Variants in NUP153 observed in about 807,000 individuals in gnomAD.
NUP153 encodes nucleoporin 153, also known as nuclear pore complex protein Nup153.
In NUP153, 27 loss-of-function variants were observed where a neutral mutation model predicts 134.6. That is an observed-to-expected ratio of 0.20 (90% confidence interval 0.15 to 0.28). The LOEUF is 0.28. NUP153 is among the 10% of genes least tolerant of loss of function. NUP153 has a pLI of 1.00. For synonymous variants in NUP153, 640 were observed against 623.5 expected, an observed-to-expected ratio of 1.03 and a Z score of -0.40; for missense variants, 1,821 against 1,731.3, an observed-to-expected ratio of 1.05 and a Z score of -0.92.
At chr6:17,656,985 T>G (rs1029281933) in intron 11 of NUP153, among the ~76,000 whole-genome samples, 10 of 152,206 alleles carry the variant, frequency 6.6e-5, no homozygotes, top group Non-Finnish European at 1.3e-4. Context: ...TGGAGAGGGC[T>G]TTAGCAAGCT....
intron 1 of NUP153, among the ~76,000 whole-genome samples, chr6:17,693,191 C>CAA (rs1280833295): frequency 7.0e-6 from 1 of 142,676 alleles, no homozygotes; most frequent in Non-Finnish European, 1.5e-5. Flanking sequence ...CCTACACACA[C>CAA]ACACACACAC....
chr6:17,706,617 C>G lies in NUP153; in HGVS notation c.-230G>C, dbSNP rs1430406017. ...GTGGCGGCCGCAGAGGCCGAGGAGGCTCCGGTCCGGCCGCCTCTGCGGACC... is the reference window on the plus strand; with the variant it reads ...GTGGCGGCCGCAGAGGCCGAGGAGGGTCCGGTCCGGCCGCCTCTGCGGACC... On this transcript the variant is annotated 5_prime_UTR_variant, in exon 1 of 22. Transcript: ENST00000262077. This position sits in a 1 kb window ranked among gnomAD's most constrained non-coding sequence, Gnocchi z 5.9. The G allele has an allele frequency of 8.8e-6, 5 of 569,030 alleles. No homozygotes were observed. Among genetic ancestry groups the G allele is most frequent in the Admixed American group, 3.2e-5 (1 of 31,006 alleles). 35.2% of individuals were successfully genotyped at this position (569,030 alleles called of 1,614,324 possible). A position where few individuals can be genotyped will look rare whatever the true frequency, so the allele number is the denominator to read the frequency against.
At chr6:17,696,422 G>A (rs899334521) in intron 1 of NUP153, among the ~76,000 whole-genome samples, 9 of 152,106 alleles carry the variant, frequency 5.9e-5, no homozygotes, top group African/African-American at 2.2e-4. Context: ...CAGGCATGAG[G>A]GAAATAAGCT....
At chr6:17,632,545 G>T in intron 17 of NUP153, 105 bp downstream of exon 17, 1 of 743,788 alleles carries the variant, frequency 1.3e-6, no homozygotes. Flanking sequence ...TAATTTTCAA[G>T]AGAGAATGAG....
chr6:17,655,513 G>A (rs112376483), intron 11 of NUP153, among the ~76,000 whole-genome samples: 9,430 of 151,060 alleles, frequency 0.062, 393 homozygotes, highest in Non-Finnish European at 0.084. Flanking sequence ...GAGTGCAGTG[G>A]TACGATCTCA....
At chr6:17,697,554 G>A (rs1769732673) in intron 1 of NUP153, among the ~76,000 whole-genome samples, 1 of 152,188 alleles carries the variant, frequency 6.6e-6, no homozygotes, top group African/African-American at 2.4e-5. Flanking sequence ...AGGCGTGGTG[G>A]CAGGCACCTG....
chr6:17,658,142 A>G (rs1465232553), intron 11 of NUP153, among the ~76,000 whole-genome samples: 2 of 152,214 alleles, frequency 1.3e-5, no homozygotes, highest in East Asian at 1.9e-4. Flanking sequence ...GCTCACGCCT[A>G]TAATCCCAGC....
Position 17,698,503 on chromosome 6 carries a change from C to G in NUP153, c.111+7774G>C, listed in dbSNP as rs189370822. On this transcript the variant is annotated intron_variant, in intron 1 of 21. Transcript: ENST00000262077. ...CCTGTAACCCCAGCACTTTGGGAGG[C>G]CGAGGTGGGCGGATCACAAGGTCAG... Among the ~76,000 whole-genome samples, 166 of 152,166 alleles carry G rather than the reference C, an allele frequency of 1.1e-3. 4 individuals are homozygous for G. The East Asian group carries it at 0.029, about 26-fold the overall frequency.
chr6:17,650,532 A>G (rs1325887854), intron 11 of NUP153, among the ~76,000 whole-genome samples: 1 of 152,186 alleles, frequency 6.6e-6, no homozygotes, highest in African/African-American at 2.4e-5. Context: ...TGCCAGCTAA[A>G]ATAATTTGAA....
chr6:17,626,253 C>T (rs1291507867), intron 18 of NUP153, 89 bp from the exon 19 acceptor site: 1 of 948,208 alleles, frequency 1.1e-6, no homozygotes, highest in Non-Finnish European at 1.6e-6. Flanking sequence ...CTAGAATTTT[C>T]CTACCCTAGA....
In NUP153 at chr6:17,632,765, G is replaced by C. The variant is rs776659435; in HGVS notation, c.2544C>G (p.Phe848Leu). The C allele has an allele frequency of 7.1e-6, 11 of 1,540,170 alleles. No homozygotes were observed. The highest frequency in any genetic ancestry group is 3.3e-5 in the South Asian group (3 of 90,202). ...PSGGSLGLEKFKKPEGSWDCE... is the reference protein window; with the variant it reads ...PSGGSLGLEKLKKPEGSWDCE... ...AGTCCCAGCTTCCCTCGGGTTTCTT[G>C]AACTTTTCCAATCCTAGAGAGCCTC... is the stretch of plus-strand genomic sequence containing the variant. Residue 848 changes from phenylalanine (F) to leucine (L), a missense_variant, in exon 17 of 22, where the codon TTC becomes TTG. By Grantham distance (22) the Phe-to-Leu change is conservative. Coordinates refer to ENST00000262077, the MANE Select transcript of NUP153 (RefSeq NM_005124.4).
At chr6:17,644,017 T>C (rs996965672) in intron 14 of NUP153, among the ~76,000 whole-genome samples, 3 of 152,156 alleles carry the variant, frequency 2.0e-5, no homozygotes, top group African/African-American at 4.8e-5. Flanking sequence ...AAATTCCTTA[T>C]TAATTTCTAT....
chr6:17,664,667 G>C lies in NUP153; in HGVS notation c.1215+572C>G, dbSNP rs1047733548. Among the ~76,000 whole-genome samples the C allele has an allele frequency of 4.6e-5, 7 of 152,254 alleles. No individual in the cohort carries two copies. In the South Asian group the frequency reaches 1.2e-3, roughly 27 times the overall value. ...TGCAGATAGTTCAACACCACCACATGAAAGAAACAGATAAAGCAAATCCGG... is the reference window on the plus strand; with the variant it reads ...TGCAGATAGTTCAACACCACCACATCAAAGAAACAGATAAAGCAAATCCGG... On this transcript the variant is annotated intron_variant, in intron 9 of 21. Coordinates refer to ENST00000262077, the MANE Select transcript of NUP153 (RefSeq NM_005124.4).
chr6:17,705,351 C>G (rs1770410862), intron 1 of NUP153, among the ~76,000 whole-genome samples: 1 of 152,198 alleles, frequency 6.6e-6, no homozygotes, highest in East Asian at 1.9e-4. Context: ...TCAGAATCAA[C>G]TATCTCATTT....
intron 1 of NUP153, among the ~76,000 whole-genome samples, chr6:17,694,849 G>C (rs1034116494): frequency 2.6e-5 from 4 of 151,838 alleles, no homozygotes; most frequent in African/African-American, 9.7e-5. Context: ...CATGGTGGTG[G>C]GCACCTGTAG....
chr6:17,632,859 A>C lies in NUP153; in HGVS notation c.2465-15T>G, dbSNP rs550240821. 3.1e-5 allele frequency: 47 copies of C among 1,540,526 alleles called. No homozygotes were observed. The highest frequency in any genetic ancestry group is 2.1e-4 in the South Asian group (17 of 81,212). On this transcript the variant is annotated splice_polypyrimidine_tract_variant and intron_variant, in intron 16 of 21. Transcript: ENST00000262077. ...TACTGAACTTCCTAAAAAAAAAAAA[A>C]AAAACGGGGAGTGGGGGGAGATTTC...
At chr6:17,681,018 A>G (rs951519226) in intron 2 of NUP153, among the ~76,000 whole-genome samples, 1 of 152,224 alleles carries the variant, frequency 6.6e-6, no homozygotes, top group Non-Finnish European at 1.5e-5. Flanking sequence ...AATTGACCTA[A>G]GTATCCATCC....
intron 16 of NUP153, among the ~76,000 whole-genome samples, chr6:17,635,104 C>CTT (rs59700511): frequency 0.019 from 1,939 of 104,182 alleles, 59 homozygotes; most frequent in Middle Eastern, 0.032. Flanking sequence ...CTTGGCTTAT[C>CTT]TTTTTTTTTT....
chr6:17,654,555 C>A (rs1028608165), intron 11 of NUP153, among the ~76,000 whole-genome samples: 3 of 152,066 alleles, frequency 2.0e-5, no homozygotes, highest in Non-Finnish European at 2.9e-5. Flanking sequence ...TTCCTGACCT[C>A]GTGATCCGCC....
Sources: allele counts gnomAD v4.1 joint callset (sites outside exome capture counted in the v4.1 genomes callset), GRCh38; gene constraint gnomAD v4.1.1; non-coding constraint Gnocchi (gnomAD v3.1); transcripts MANE v1.5; gene names NCBI Gene and HGNC (gene_info 2026-07-23, HGNC 2026-07-21).